AUH: variants seen among roughly 807,000 people sequenced by gnomAD.
AUH encodes AU RNA binding methylglutaconyl-CoA hydratase, also known as methylglutaconyl-CoA hydratase, mitochondrial.
In AUH, 29 loss-of-function variants were observed where a neutral mutation model predicts 42.3. That is an observed-to-expected ratio of 0.69 (90% CI 0.51 to 0.93). The LOEUF (loss-of-function observed/expected upper bound fraction) is 0.93. AUH is among the 40% of genes least tolerant of loss of function. The pLI is 0.00. For missense variants in AUH, 452 were observed against 438.1 expected, an observed-to-expected ratio of 1.03 and a Z score of -0.28; for synonymous variants, 174 against 166.4, an observed-to-expected ratio of 1.05 and a Z score of -0.35.
chr9:91,251,057 G>A (rs929212339), intron 6 of AUH, among the ~76,000 whole-genome samples: 3 of 152,214 alleles, frequency 2.0e-5, no homozygotes, highest in Admixed American at 1.3e-4. Flanking sequence ...TAGGGCACCA[G>A]CCTAGGGTCC....
At chr9:91,315,246 T>C (rs1829065211) in intron 4 of AUH, among the ~76,000 whole-genome samples, 1 of 152,182 alleles carries the variant, frequency 6.6e-6, no homozygotes, top group Non-Finnish European at 1.5e-5. Context: ...GCCCTCTGTT[T>C]CATCTTTTGA....
At chr9:91,330,045 A>C (rs1388245339) in intron 3 of AUH, among the ~76,000 whole-genome samples, 1 of 152,190 alleles carries the variant, frequency 6.6e-6, no homozygotes, top group African/African-American at 2.4e-5. Context: ...ATAATAAAAC[A>C]GTCATTATTA....
intron 6 of AUH, among the ~76,000 whole-genome samples, chr9:91,230,280 C>T (rs1041140659): frequency 2.0e-5 from 3 of 152,146 alleles, no homozygotes; most frequent in Non-Finnish European, 4.4e-5. Context: ...TCTAAACTTT[C>T]CTTCTCGCTT....
intron 6 of AUH, among the ~76,000 whole-genome samples, chr9:91,228,490 C>T (rs999412947): frequency 1.5e-4 from 22 of 147,906 alleles, no homozygotes; most frequent in Admixed American, 6.8e-4. Context: ...TTTGTTGATC[C>T]TTTCAAAAAA....
chr9:91,292,516 T>C (rs1254843789), intron 6 of AUH, among the ~76,000 whole-genome samples: 1 of 151,914 alleles, frequency 6.6e-6, no homozygotes, highest in Non-Finnish European at 1.5e-5. Flanking sequence ...TGACCTCAAG[T>C]GATCCACCCG....
intron 3 of AUH, among the ~76,000 whole-genome samples, chr9:91,331,556 A>T (rs1830324818): frequency 2.0e-5 from 3 of 152,130 alleles, no homozygotes; most frequent in Non-Finnish European, 4.4e-5. Context: ...TCTACTGCAA[A>T]CTCTTTTCAT....
intron 6 of AUH, among the ~76,000 whole-genome samples, chr9:91,263,239 G>C (rs938299779): frequency 1.1e-4 from 16 of 152,168 alleles, no homozygotes; most frequent in African/African-American, 3.9e-4. Flanking sequence ...GATATGATTT[G>C]TGTCATCAAT....
rs932435545 is a variant in AUH at position 91,217,171 on chromosome 9, C to A, written c.894+106G>T. On this transcript the variant is annotated intron_variant, in intron 8 of 9. Transcript: ENST00000375731. Reference sequence around the variant, plus strand: ...TTCAGTAATAGTAGCATTTAAACAACCATATTTTAGAACTTTAAAAAAAAT... The same window carrying A: ...TTCAGTAATAGTAGCATTTAAACAAACATATTTTAGAACTTTAAAAAAAAT... 5.0e-6 allele frequency: 6 copies of A among 1,193,904 alleles called. No homozygotes were observed. The African/African-American group carries it at 7.7e-5, about 15-fold the overall frequency. 74.0% of individuals were successfully genotyped at this position (1,193,904 alleles called of 1,614,324 possible). A position where few individuals can be genotyped will look rare whatever the true frequency, so the allele number is the denominator to read the frequency against.
chr9:91,320,934 A>G (rs1372777937), intron 4 of AUH, among the ~76,000 whole-genome samples: 1 of 152,212 alleles, frequency 6.6e-6, no homozygotes, highest in East Asian at 1.9e-4. Flanking sequence ...ATGGGTTGAT[A>G]ATTTTGTCAG....
intron 3 of AUH, among the ~76,000 whole-genome samples, chr9:91,337,616 A>T (rs948441916): frequency 6.6e-6 from 1 of 152,238 alleles, no homozygotes; most frequent in Non-Finnish European, 1.5e-5. Context: ...CAACCCATAT[A>T]TAAAGCTGGC....
chr9:91,345,874 C>T (rs1831469384), intron 3 of AUH, among the ~76,000 whole-genome samples: 1 of 145,940 alleles, frequency 6.9e-6, no homozygotes. Context: ...CCTGACATAA[C>T]TCACACATAT....
At chr9:91,325,116 A>G (rs1242921443) in intron 4 of AUH, among the ~76,000 whole-genome samples, 1 of 152,126 alleles carries the variant, frequency 6.6e-6, no homozygotes. Flanking sequence ...ATATTTTATC[A>G]TACATAAGAC....
At chr9:91,346,306 T>C (rs760723601) in intron 3 of AUH, among the ~76,000 whole-genome samples, 1 of 152,062 alleles carries the variant, frequency 6.6e-6, no homozygotes, top group Non-Finnish European at 1.5e-5. Flanking sequence ...GCTAATGATG[T>C]AATCAATCAT....
At chr9:91,313,045 G>T (rs1338736295) in intron 4 of AUH, among the ~76,000 whole-genome samples, 1 of 151,240 alleles carries the variant, frequency 6.6e-6, no homozygotes. Context: ...AAACTAATTG[G>T]TTAACAGGTT....
intron 3 of AUH, among the ~76,000 whole-genome samples, chr9:91,328,559 TC>T (rs1564105890): frequency 6.6e-6 from 1 of 152,054 alleles, no homozygotes. Context: ...CTCTGTAATC[TC>T]CTGGAAGTGG....
intron 3 of AUH, among the ~76,000 whole-genome samples, chr9:91,325,913 T>C (rs1273916678): frequency 1.3e-5 from 2 of 152,182 alleles, no homozygotes; most frequent in African/African-American, 4.8e-5. Flanking sequence ...GTCAGTCCTT[T>C]TGACTTCATG....
intron 3 of AUH, among the ~76,000 whole-genome samples, chr9:91,344,007 T>C (rs1831297229): frequency 6.6e-6 from 1 of 152,102 alleles, no homozygotes; most frequent in Admixed American, 6.5e-5. Flanking sequence ...GTTCAGGCCA[T>C]GATGGAAAGT....
intron 6 of AUH, among the ~76,000 whole-genome samples, chr9:91,221,552 T>G (rs1827136449): frequency 6.6e-6 from 1 of 152,166 alleles, no homozygotes; most frequent in Non-Finnish European, 1.5e-5. Context: ...GTCCTGGTCA[T>G]CTCCGTTAGC....
chr9:91,263,133 AC>A (rs772641315), intron 6 of AUH, among the ~76,000 whole-genome samples: 19 of 152,342 alleles, frequency 1.2e-4, no homozygotes, highest in Non-Finnish European at 2.5e-4. Context: ...TTTTGAGTCA[AC>A]TGCAAATGAC....
Sources: gnomAD v4.1 joint callset for allele counts (sites outside exome capture counted in the v4.1 genomes callset) on GRCh38, gnomAD v4.1.1 for gene constraint, MANE v1.5 for transcripts, NCBI Gene and HGNC (gene_info 2026-07-23, HGNC 2026-07-21) for gene names.